The following ZWILCH variants were observed in gnomAD, a reference collection of about 807,000 sequenced individuals.
ZWILCH encodes protein zwilch homolog.
ZWILCH carries 74 observed loss-of-function variants against 79.9 expected under a neutral mutation model. That is an observed-to-expected ratio of 0.93 (90% CI 0.77 to 1.12). The LOEUF (loss-of-function observed/expected upper bound fraction) is 1.12, where lower values mean the gene tolerates loss of function less well. Ranked by LOEUF, ZWILCH falls within the 50% of genes most tolerant of loss-of-function variation. The pLI is 0.00. For missense variants in ZWILCH, 694 were observed against 687.5 expected (o/e 1.01, Z -0.11); for synonymous variants, 241 against 228.2 (o/e 1.06, Z -0.51).
At chr15:66,517,455 T>TATATATAGAGAGAGAGAG (rs1180456312) in intron 4 of ZWILCH, among the ~76,000 whole-genome samples, 1 of 115,218 alleles carries the variant, frequency 8.7e-6, no homozygotes, top group East Asian at 2.5e-4. Context: ...TATATATATA[T>TATATATAGAGAGAGAGAG]AGTAATGTAC....
chr15:66,529,024 A>G lies in ZWILCH; in HGVS notation c.1075+67A>G, dbSNP rs116339349. 3.5e-3 allele frequency: 4,476 copies of G among 1,276,474 alleles called. 115 individuals are homozygous for G. The African/African-American group carries it at 0.059, about 17-fold the overall frequency. The allele number at this position is 1,276,474 out of a possible 1,614,324, so 79.1% of individuals were successfully genotyped here. A position where few individuals can be genotyped will look rare whatever the true frequency, so the allele number is the denominator to read the frequency against. On this transcript the variant is annotated intron_variant, in intron 11 of 18. Transcript: ENST00000307897. ...AGGTTTATTTTTAAGTCTTTTGGAA[A>G]TAATACAGTGTGTACCACTAGTTTT...
intron 14 of ZWILCH, among the ~76,000 whole-genome samples, chr15:66,534,030 G>A (rs893960500): frequency 2.0e-5 from 3 of 152,032 alleles, no homozygotes; most frequent in Non-Finnish European, 2.9e-5. Context: ...CACTTGAGCC[G>A]GGGAAGTTGA....
rs1443495622 is a variant in ZWILCH at position 66,505,371 on chromosome 15, C to T, written c.33C>T (p.Asp11=). The change falls in exon 1 of 19, where the codon GAC becomes GAT. Residue 11 remains aspartate (D), a synonymous_variant. Coordinates refer to ENST00000307897, the MANE Select transcript of ZWILCH (RefSeq NM_017975.5). MWERLNCAAE[D]FYSRLLQKFN... ...AGCGGCTGAACTGCGCAGCAGAGGA[C>T]TTTTATTCTCGTCTCCTTCAGTGAG... 2 of 1,614,034 alleles carry T rather than the reference C, an allele frequency of 1.2e-6. No homozygotes were observed. The highest frequency in any genetic ancestry group is 1.7e-5 in the Admixed American group (1 of 60,012).
chr15:66,537,142 A>G (rs1237488094), intron 15 of ZWILCH, 26 bp from the exon 16 acceptor site: 10 of 1,587,918 alleles, frequency 6.3e-6, no homozygotes, highest in Admixed American at 3.4e-5. Flanking sequence ...CTTTTTTCCA[A>G]AAGAGGTTCC....
chr15:66,518,925 C>T lies in ZWILCH; in HGVS notation c.367C>T (p.His123Tyr), dbSNP rs142081992. Residue 123 changes from histidine (H) to tyrosine (Y), a missense_variant, in exon 5 of 19, where the codon CAT (histidine) becomes TAT (tyrosine). Coordinates refer to ENST00000307897, the MANE Select transcript of ZWILCH (RefSeq NM_017975.5). ...CATGGCTCACAATCCTAATATGACC[C>T]ATTTGAAGATTAATCTGCCAGTTAC... ...YTMAHNPNMT[H>Y]LKINLPVTAL... 4.0e-5 allele frequency: 64 copies of T among 1,614,058 alleles called. No homozygotes were observed. In the African/African-American group the frequency reaches 6.3e-4, roughly 16 times the overall value.
chr15:66,526,474 T>TA (rs371842497), intron 8 of ZWILCH, among the ~76,000 whole-genome samples: 110 of 129,318 alleles, frequency 8.5e-4, no homozygotes, highest in African/African-American at 4.9e-3. Context: ...TTTTTCTTTC[T>TA]TTTTTTTTTG....
At position 66,523,146 on chromosome 15, in the gene ZWILCH, T is replaced by C. The variant is rs375034619; in HGVS notation, c.748-531T>C. On this transcript the variant is annotated intron_variant, in intron 7 of 18. Coordinates refer to ENST00000307897, the MANE Select transcript of ZWILCH (RefSeq NM_017975.5). The stretch of plus-strand genomic sequence containing the variant: ...ACATGGATAATTATATTCTTTATAC[T>C]TTTCCTGTAATGGGAATTTACATAC... Among the ~76,000 whole-genome samples the C allele has an allele frequency of 2.6e-5, 4 of 152,374 alleles. No individual in the cohort carries two copies. The South Asian group carries it at 8.3e-4, about 32-fold the overall frequency.
intron 7 of ZWILCH, 100 bp downstream of exon 7, chr15:66,521,305 C>A: frequency 1.4e-6 from 2 of 1,401,844 alleles, no homozygotes; most frequent in Non-Finnish European, 9.7e-7. Context: ...TTGGCACTTG[C>A]TGAGTGTGAG....
chr15:66,520,754 A>G lies in ZWILCH; in HGVS notation c.591+94A>G, dbSNP rs1009969390. 4 of 822,154 alleles carry G rather than the reference A, an allele frequency of 4.9e-6. No homozygotes were observed. In the African/African-American group the frequency reaches 5.3e-5, roughly 11 times the overall value. 50.9% of individuals were successfully genotyped at this position (822,154 alleles called of 1,614,324 possible). A position where few individuals can be genotyped will look rare whatever the true frequency, so the allele number is the denominator to read the frequency against. On this transcript the variant is annotated intron_variant, in intron 6 of 18. Transcript: ENST00000307897. ...GTTTTTTTTCACTCCTAAGATGACT[A>G]GATATTTTTCTGTAGTATGAAAATG...
intron 2 of ZWILCH, among the ~76,000 whole-genome samples, chr15:66,511,754 T>C (rs1386775181): frequency 1.3e-5 from 2 of 152,130 alleles, no homozygotes; most frequent in Admixed American, 1.3e-4. Context: ...TAGCTGGGAT[T>C]ATAGGCACCC....
At position 66,549,438 on chromosome 15, in the gene ZWILCH, C is replaced by T. The variant is rs1307601243; in HGVS notation, c.*1114C>T. On this transcript the variant is annotated 3_prime_UTR_variant, in exon 19 of 19. Coordinates refer to ENST00000307897, the MANE Select transcript of ZWILCH (RefSeq NM_017975.5). ...GCTTGTTAAAAAGGAAAGCATATTTCTCTGATTGCCCTTATGGAGAAATAA... is the reference window on the plus strand; with the variant it reads ...GCTTGTTAAAAAGGAAAGCATATTTTTCTGATTGCCCTTATGGAGAAATAA... 6.6e-6 allele frequency: 1 copy of T among 152,174 alleles called. No individual in the cohort carries two copies. Among genetic ancestry groups the T allele is most frequent in the African/African-American group, 2.4e-5 (1 of 41,440 alleles). 9.4% of individuals were successfully genotyped at this position (152,174 alleles called of 1,614,324 possible).
intron 18 of ZWILCH, 164 bp downstream of exon 18, chr15:66,546,869 A>G: frequency 3.4e-6 from 1 of 293,422 alleles, no homozygotes; most frequent in Non-Finnish European, 6.3e-6. Context: ...GCAACTCTTT[A>G]ATTTTCTTTC....
In ZWILCH at chr15:66,523,704, A is replaced by G; in HGVS notation, c.775A>G (p.Arg259Gly). The change falls in exon 8 of 19, where the codon AGA (arginine) becomes GGA (glycine). Residue 259 changes from arginine to glycine, a missense_variant. By Grantham distance (125) the Arg-to-Gly change is moderately radical (BLOSUM62 -2). Transcript: ENST00000307897. ...TATTAAAGTGGAATCAGGAGAGCCCAGAGGTCCTTTGAATCATCTCTACAG... is the reference window on the plus strand; with the variant it reads ...TATTAAAGTGGAATCAGGAGAGCCCGGAGGTCCTTTGAATCATCTCTACAG... ...LNIKVESGEP[R>G]GPLNHLYREL... 6.2e-7 allele frequency: 1 copy of G among 1,612,744 alleles called. No homozygotes were observed. The highest frequency in any genetic ancestry group is 1.7e-4 in the Middle Eastern group (1 of 6,048).
At position 66,505,348 on chromosome 15, in the gene ZWILCH, C is replaced by G. The variant is rs147940200; in HGVS notation, c.10C>G (p.Arg4Gly). ...CTCACATTGGGGCGGGATGTGGGAG[C>G]GGCTGAACTGCGCAGCAGAGGACTT... is the stretch of plus-strand genomic sequence containing the variant. Reference protein sequence around the residue: MWERLNCAAEDFYS... With the variant: MWEGLNCAAEDFYS... Residue 4 changes from arginine (R) to glycine (G), a missense_variant, in exon 1 of 19, where the codon CGG (arginine) becomes GGG (glycine). Arg to Gly is a moderately radical substitution (Grantham distance 125, BLOSUM62 -2). Transcript: ENST00000307897. 6.2e-7 allele frequency: 1 copy of G among 1,613,904 alleles called. No homozygotes were observed.
In ZWILCH at chr15:66,514,051, G is replaced by T; in HGVS notation, c.169G>T (p.Glu57Ter). The change falls in exon 3 of 19, where the codon GAA becomes TAA. Residue 57 changes from glutamate (E) to a stop codon, truncating the protein, a stop_gained. Coordinates refer to ENST00000307897, the MANE Select transcript of ZWILCH (RefSeq NM_017975.5). LOFTEE classifies it high-confidence loss of function. ...QPNPLKNILN[E>*]NDIVFIVEKV... Reference sequence around the variant, plus strand: ...AAACCCTTTGAAAAATATTCTAAATGAAAATGACATAGTATTCATAGTGGA... The same window carrying T: ...AAACCCTTTGAAAAATATTCTAAATTAAAATGACATAGTATTCATAGTGGA... The T allele has an allele frequency of 6.2e-7, 1 of 1,611,794 alleles. No individual in the cohort carries two copies. Among genetic ancestry groups the T allele is most frequent in the South Asian group, 1.1e-5 (1 of 90,794 alleles).
At position 66,518,354 on chromosome 15, in the gene ZWILCH, T is replaced by C. The variant is rs1437252902; in HGVS notation, c.321-525T>C. Among the ~76,000 whole-genome samples, 3 of 147,020 alleles carry C rather than the reference T, an allele frequency of 2.0e-5. No individual in the cohort carries two copies. In the Admixed American group the frequency reaches 2.1e-4, roughly 10 times the overall value. On this transcript the variant is annotated intron_variant, in intron 4 of 18. Transcript: ENST00000307897. ...CCCAAGCTAGAGTGCAGTGGTGCGA[T>C]CTGGGCTCACTGCAAGCTCTGCCTC...
intron 1 of ZWILCH, chr15:66,505,766 T>G (rs1893790356): frequency 3.6e-6 from 1 of 280,726 alleles, no homozygotes; most frequent in South Asian, 3.9e-5. Flanking sequence ...TGAAATGTGG[T>G]GTTAGTCTGT....
intron 2 of ZWILCH, among the ~76,000 whole-genome samples, chr15:66,513,018 C>T (rs986853005): frequency 1.3e-5 from 2 of 152,064 alleles, no homozygotes; most frequent in Non-Finnish European, 2.9e-5. Flanking sequence ...TGGTCTTGAA[C>T]TCCTAACCTC....
chr15:66,507,939 A>C (rs913761027), intron 1 of ZWILCH, among the ~76,000 whole-genome samples: 3 of 74,730 alleles, frequency 4.0e-5, no homozygotes, highest in Non-Finnish European at 9.9e-5. Flanking sequence ...ACTGCATCTC[A>C]AAAAAAAAAA....
Sources: gnomAD v4.1 joint callset for allele counts (sites outside exome capture counted in the v4.1 genomes callset) on GRCh38, gnomAD v4.1.1 for gene constraint, MANE v1.5 for transcripts, NCBI Gene and HGNC (gene_info 2026-07-23, HGNC 2026-07-21) for gene names.